CNTNAP2: variants seen among roughly 807,000 people sequenced by gnomAD.
The protein encoded by CNTNAP2 is contactin-associated protein-like 2.
CNTNAP2 carries 98 observed loss-of-function variants against 155.2 expected under a neutral mutation model. That is an observed-to-expected ratio of 0.63 (90% CI 0.54 to 0.75). The LOEUF (loss-of-function observed/expected upper bound fraction) is 0.75, where lower values mean the gene tolerates loss of function less well. Among genes scored for constraint, CNTNAP2 ranks in the 30% least tolerant of loss-of-function variants. CNTNAP2 has a pLI of 0.00. For missense variants in CNTNAP2, 1,727 were observed against 1,688.1 expected, an observed-to-expected ratio of 1.02 and a Z score of -0.40; for synonymous variants, 651 against 631.2, an observed-to-expected ratio of 1.03 and a Z score of -0.47.
intron 3 of CNTNAP2, among the ~76,000 whole-genome samples, chr7:146,968,495 A>T (rs532068052): frequency 6.6e-6 from 1 of 152,114 alleles, no homozygotes; most frequent in African/African-American, 2.4e-5. Context: ...AGAGCCTGTT[A>T]TTGGTCTATT....
intron 9 of CNTNAP2, among the ~76,000 whole-genome samples, chr7:147,384,267 A>G (rs2116937011): frequency 6.6e-6 from 1 of 152,340 alleles, no homozygotes; most frequent in African/African-American, 2.4e-5. Flanking sequence ...AGAGTAAAGT[A>G]TATATTACAG....
chr7:147,225,807 G>GA lies in CNTNAP2; in HGVS notation c.1349-74331dup, dbSNP rs1803516292. Among the ~76,000 whole-genome samples the GA allele has an allele frequency of 2.8e-5, 4 of 142,064 alleles. No homozygotes were observed. In the Admixed American group the frequency reaches 2.8e-4, roughly 10 times the overall value. 93.2% of individuals were successfully genotyped at this position (142,064 alleles called of 152,430 possible). Reference sequence around the variant, plus strand: ...GGAAGGAAGGAAGGAAGGAAAGAAAGAAAGAAGGAAAGAAGGAAAGAAGGA... The same window carrying GA: ...GGAAGGAAGGAAGGAAGGAAAGAAAGAAAAGAAGGAAAGAAGGAAAGAAGGA... On this transcript the variant is annotated intron_variant, in intron 8 of 23. Coordinates refer to ENST00000361727, the MANE Select transcript of CNTNAP2 (RefSeq NM_014141.6).
chr7:147,471,818 G>A (rs1249403586), intron 10 of CNTNAP2, among the ~76,000 whole-genome samples: 2 of 152,198 alleles, frequency 1.3e-5, no homozygotes, highest in South Asian at 2.1e-4. Context: ...GAACCCGAGA[G>A]GTATAGAACT....
chr7:146,900,488 C>T (rs1272824501), intron 3 of CNTNAP2, among the ~76,000 whole-genome samples: 1 of 152,174 alleles, frequency 6.6e-6, no homozygotes, highest in African/African-American at 2.4e-5. Flanking sequence ...TGTTCTAAAC[C>T]TTGCTCTGCT....
At chr7:147,741,541 T>C (rs779639616) in intron 13 of CNTNAP2, among the ~76,000 whole-genome samples, 11 of 152,220 alleles carry the variant, frequency 7.2e-5, no homozygotes, top group Admixed American at 4.6e-4. Flanking sequence ...CAGAAGTTAA[T>C]AAACAACTCT....
At chr7:147,829,581 G>A (rs1798516558) in intron 13 of CNTNAP2, among the ~76,000 whole-genome samples, 1 of 152,092 alleles carries the variant, frequency 6.6e-6, no homozygotes, top group African/African-American at 2.4e-5. Flanking sequence ...ATGCTTAAAT[G>A]GAAGTTCTAA....
intron 13 of CNTNAP2, among the ~76,000 whole-genome samples, chr7:147,680,500 A>G (rs1466097113): frequency 6.6e-6 from 1 of 151,854 alleles, no homozygotes; most frequent in Non-Finnish European, 1.5e-5. Context: ...AAAGCAATAT[A>G]TTGGGGCCCC....
intron 1 of CNTNAP2, among the ~76,000 whole-genome samples, chr7:146,606,347 A>G (rs994717197): frequency 1.3e-5 from 2 of 152,196 alleles, no homozygotes; most frequent in African/African-American, 2.4e-5. Context: ...ATTTTCATGT[A>G]GATTATTTTA....
chr7:148,358,055 G>A (rs1798548951), intron 21 of CNTNAP2, among the ~76,000 whole-genome samples: 1 of 152,038 alleles, frequency 6.6e-6, no homozygotes, highest in Non-Finnish European at 1.5e-5. Context: ...TCATATAACT[G>A]TAGCAGGCCC....
In CNTNAP2 at chr7:146,668,444, GTGTGTGTGT is replaced by G. The variant is rs774600734; in HGVS notation, c.98-105826_98-105818del. Among the ~76,000 whole-genome samples, 417 of 149,864 alleles carry G rather than the reference GTGTGTGTGT, an allele frequency of 2.8e-3. 1 individual carries two copies. The highest frequency in any genetic ancestry group is 4.1e-3 in the Non-Finnish European group (279 of 67,654). ...GTAATTTTCCTGTGTGTGTGTGTGT[GTGTGTGTGT>G]GTGTGTGTGTGTGTGTGTGTCCTTA... is the stretch of plus-strand genomic sequence containing the variant. On this transcript the variant is annotated intron_variant, in intron 1 of 23. Coordinates refer to ENST00000361727, the MANE Select transcript of CNTNAP2 (RefSeq NM_014141.6).
At chr7:147,508,359 C>G (rs896590002) in intron 11 of CNTNAP2, among the ~76,000 whole-genome samples, 2 of 152,136 alleles carry the variant, frequency 1.3e-5, no homozygotes, top group African/African-American at 2.4e-5. Flanking sequence ...AGCCAGTAAT[C>G]TAGCCACATC....
At chr7:146,153,004 C>T (rs1224781381) in intron 1 of CNTNAP2, among the ~76,000 whole-genome samples, 3 of 152,100 alleles carry the variant, frequency 2.0e-5, no homozygotes, top group Non-Finnish European at 2.9e-5. Context: ...TTTTCTTTGG[C>T]GTAAGTCACC....
intron 1 of CNTNAP2, among the ~76,000 whole-genome samples, chr7:146,685,900 T>G (rs1233300128): frequency 6.6e-6 from 1 of 152,206 alleles, no homozygotes; most frequent in Non-Finnish European, 1.5e-5. Flanking sequence ...TCTACAGTTA[T>G]GTGTTCAATG....
rs889804419 is a variant in CNTNAP2 at position 148,330,481 on chromosome 7, C to T, written c.3476-53168C>T. ...GGATGGAGTGGATGGATGAAGTGGA[C>T]GGATGGAGTGGATGGATGGATGGAG... is the stretch of plus-strand genomic sequence containing the variant. On this transcript the variant is annotated intron_variant, in intron 21 of 23. Coordinates refer to ENST00000361727, the MANE Select transcript of CNTNAP2 (RefSeq NM_014141.6). Among the ~76,000 whole-genome samples the T allele has an allele frequency of 5.1e-4, 55 of 107,296 alleles. 1 individual carries two copies. The highest frequency in any genetic ancestry group is 9.7e-4 in the African/African-American group (26 of 26,816). The allele number at this position is 107,296 out of a possible 152,430, so 70.4% of individuals were successfully genotyped here. A position where few individuals can be genotyped will look rare whatever the true frequency, so the allele number is the denominator to read the frequency against.
intron 1 of CNTNAP2, among the ~76,000 whole-genome samples, chr7:146,414,870 T>C (rs1795915100): frequency 6.6e-6 from 1 of 152,162 alleles, no homozygotes; most frequent in African/African-American, 2.4e-5. Flanking sequence ...TTTAAAAGCC[T>C]TTATTCTGCT....
chr7:146,182,423 C>A (rs936967117), intron 1 of CNTNAP2, among the ~76,000 whole-genome samples: 1 of 152,074 alleles, frequency 6.6e-6, no homozygotes, highest in Non-Finnish European at 1.5e-5. Flanking sequence ...AGGAAAATAG[C>A]AAGTCTACAT....
At chr7:146,492,009 T>C (rs1797147690) in intron 1 of CNTNAP2, among the ~76,000 whole-genome samples, 1 of 152,154 alleles carries the variant, frequency 6.6e-6, no homozygotes, top group South Asian at 2.1e-4. Context: ...TCTTGTTTTA[T>C]TTTCTGGATT....
intron 21 of CNTNAP2, among the ~76,000 whole-genome samples, chr7:148,345,586 T>C (rs1165147791): frequency 6.6e-6 from 1 of 152,160 alleles, no homozygotes; most frequent in Non-Finnish European, 1.5e-5. Context: ...GGTTTCGCTA[T>C]GTTGGCCAGG....
chr7:148,118,337 C>G, intron 16 of CNTNAP2, 49 bp downstream of exon 16: 1 of 1,602,348 alleles, frequency 6.2e-7, no homozygotes, highest in African/African-American at 1.3e-5. Context: ...TTCGTCACCT[C>G]AGGGTGGTCC....
Sources: allele counts gnomAD v4.1 joint callset (sites outside exome capture counted in the v4.1 genomes callset), GRCh38; gene constraint gnomAD v4.1.1; transcripts MANE v1.5; gene names NCBI Gene and HGNC (gene_info 2026-07-23, HGNC 2026-07-21).